The following SUN5 variants were observed in gnomAD, a reference collection of about 807,000 sequenced individuals.
SUN5 encodes SUN domain-containing protein 5.
SUN5 carries 44 observed loss-of-function variants against 53.7 expected under a neutral mutation model. That is an observed-to-expected ratio of 0.82 (90% CI 0.64 to 1.05). The LOEUF (loss-of-function observed/expected upper bound fraction) is 1.05. Ranked by LOEUF, SUN5 falls within the 50% of genes least tolerant of loss-of-function variation. The pLI, the probability that SUN5 is intolerant of heterozygous loss-of-function variation, is 0.00. For missense variants in SUN5, 433 were observed against 483.8 expected, an observed-to-expected ratio of 0.90 and a Z score of 0.98; for synonymous variants, 166 against 179.8, an observed-to-expected ratio of 0.92 and a Z score of 0.62.
intron 9 of SUN5, among the ~76,000 whole-genome samples, chr20:32,989,325 G>A (rs372289139): frequency 1.2e-4 from 18 of 152,282 alleles, no homozygotes; most frequent in African/African-American, 4.3e-4. Flanking sequence ...GGGTGGTGGA[G>A]AGGTAAAGCC....
chr20:32,992,090 C>A (rs1600493861), intron 8 of SUN5, among the ~76,000 whole-genome samples: 1 of 152,140 alleles, frequency 6.6e-6, no homozygotes, highest in East Asian at 1.9e-4. Context: ...TTCCAGTCTG[C>A]AAAAAGGCAC....
At chr20:32,988,926 A>T in intron 9 of SUN5, among the ~76,000 whole-genome samples, 1 of 132,022 alleles carries the variant, frequency 7.6e-6, no homozygotes. Context: ...TTATTATTTT[A>T]CTTTTTTTAT....
At chr20:32,985,305 A>T in intron 11 of SUN5, 120 bp from the exon 12 acceptor site, 1 of 845,302 alleles carries the variant, frequency 1.2e-6, no homozygotes, top group Non-Finnish European at 1.9e-6. Flanking sequence ...CTCTTTGGGC[A>T]CCGTTTCACT....
chr20:32,997,668 A>G lies in SUN5; in HGVS notation c.360T>C (p.Ile120=). 1 of 1,614,082 alleles carries G rather than the reference A, an allele frequency of 6.2e-7. No individual in the cohort carries two copies. The highest frequency in any genetic ancestry group is 8.5e-7 in the Non-Finnish European group (1 of 1,180,004). The stretch of plus-strand genomic sequence containing the variant: ...AGACTTTCATTTTCGATGGTAAGTG[A>G]ATAGAAAACATCCAGAATCCTGTGA... The part of the protein sequence containing the change: ...LCAFGFWMFS[I]HLPSKMKVWQ... Residue 120 remains isoleucine (I), a synonymous_variant, in exon 6 of 13, where the codon ATT becomes ATC. Coordinates refer to ENST00000356173, the MANE Select transcript of SUN5 (RefSeq NM_080675.4).
In SUN5 at chr20:32,985,889, A is replaced by T; in HGVS notation, c.744T>A (p.Pro248=). Residue 248 remains proline (P), a synonymous_variant, in exon 11 of 13, where the codon CCT becomes CCA. Coordinates refer to ENST00000356173, the MANE Select transcript of SUN5 (RefSeq NM_080675.4). ...CACCCTCAAAGGCCCAGCAATTGCC[A>T]GGTGTCACGTTGGGCTAGAAGAGGC... is the stretch of plus-strand genomic sequence containing the variant. ...PDVILEPNVT[P]GNCWAFEGDR... The T allele has an allele frequency of 6.2e-7, 1 of 1,613,940 alleles. No individual in the cohort carries two copies. The highest frequency in any genetic ancestry group is 8.5e-7 in the Non-Finnish European group (1 of 1,179,878).
At chr20:32,998,254 G>C (rs183989956) in intron 5 of SUN5, among the ~76,000 whole-genome samples, 1 of 151,482 alleles carries the variant, frequency 6.6e-6, no homozygotes, top group East Asian at 1.9e-4. Context: ...CCCGGAGGCC[G>C]AAGTGGGAGG....
In SUN5 at chr20:33,001,289, G is replaced by A; in HGVS notation, c.212-11C>T. 1 of 1,568,398 alleles carries A rather than the reference G, an allele frequency of 6.4e-7. No individual in the cohort carries two copies. The highest frequency in any genetic ancestry group is 8.7e-7 in the Non-Finnish European group (1 of 1,154,524). Reference sequence around the variant, plus strand: ...AACAGGTGAACCAGGCTGCACGGGAGACAGAAAAGCAGTGACTCACTACGC... The same window carrying A: ...AACAGGTGAACCAGGCTGCACGGGAAACAGAAAAGCAGTGACTCACTACGC... On this transcript the variant is annotated splice_polypyrimidine_tract_variant and intron_variant, in intron 3 of 12. Coordinates refer to ENST00000356173, the MANE Select transcript of SUN5 (RefSeq NM_080675.4).
intron 5 of SUN5, 88 bp from the exon 6 acceptor site, chr20:32,997,775 C>A (rs1989891693): frequency 4.2e-6 from 6 of 1,420,586 alleles, no homozygotes; most frequent in Non-Finnish European, 4.9e-6. Context: ...GGTTCAAATC[C>A]CAGCTATGCC....
At chr20:32,985,557 C>T (rs1989514065) in intron 11 of SUN5, among the ~76,000 whole-genome samples, 179 bp downstream of exon 11, 2 of 152,208 alleles carry the variant, frequency 1.3e-5, no homozygotes, top group South Asian at 4.2e-4. Flanking sequence ...CTGTTTATCC[C>T]CTACCCTTGA....
chr20:32,992,799 C>T (rs942671753), intron 8 of SUN5, among the ~76,000 whole-genome samples: 1 of 152,092 alleles, frequency 6.6e-6, no homozygotes, highest in African/African-American at 2.4e-5. Context: ...CCGCTGGATA[C>T]AAGAAAAGAC....
At chr20:32,986,973 T>C (rs1360945130) in intron 10 of SUN5, among the ~76,000 whole-genome samples, 1 of 152,186 alleles carries the variant, frequency 6.6e-6, no homozygotes, top group Non-Finnish European at 1.5e-5. Flanking sequence ...CAGCTTGACC[T>C]CGAGTGCCAA....
At chr20:32,987,862 G>T in intron 9 of SUN5, 87 bp from the exon 10 acceptor site, 1 of 1,075,324 alleles carries the variant, frequency 9.3e-7, no homozygotes, top group Non-Finnish European at 1.4e-6. Context: ...CTATGTGCCG[G>T]GCGAGCATTT....
At chr20:32,988,987 G>A (rs62207487) in intron 9 of SUN5, among the ~76,000 whole-genome samples, 3,128 of 151,748 alleles carry the variant, frequency 0.021, 44 homozygotes, top group East Asian at 0.034. Flanking sequence ...GTGCTGTGGC[G>A]CGATCTAGGC....
intron 8 of SUN5, among the ~76,000 whole-genome samples, chr20:32,993,370 G>A (rs1200642115): frequency 6.6e-6 from 1 of 152,172 alleles, no homozygotes; most frequent in African/African-American, 2.4e-5. Context: ...TTAAATCTCT[G>A]GGGGTATTTG....
intron 3 of SUN5, 63 bp from the exon 4 acceptor site, chr20:33,001,341 C>T: frequency 1.3e-6 from 2 of 1,539,674 alleles, no homozygotes; most frequent in Admixed American, 2.0e-5. Context: ...CTACAAGGAC[C>T]TGCTGACCTT....
At chr20:32,984,710 A>G (rs1348510392) in intron 12 of SUN5, among the ~76,000 whole-genome samples, 3 of 152,168 alleles carry the variant, frequency 2.0e-5, no homozygotes, top group Admixed American at 6.5e-5. Flanking sequence ...CCTCTCCTTC[A>G]GGCCTCAGTT....
chr20:32,991,860 A>G (rs1177957213), intron 8 of SUN5, among the ~76,000 whole-genome samples: 1 of 152,236 alleles, frequency 6.6e-6, no homozygotes, highest in Non-Finnish European at 1.5e-5. Flanking sequence ...ACTCCATTAC[A>G]GCTTCAGTAA....
intron 12 of SUN5, among the ~76,000 whole-genome samples, chr20:32,984,598 C>T (rs907526498): frequency 5.3e-5 from 8 of 152,226 alleles, no homozygotes; most frequent in Non-Finnish European, 8.8e-5. Context: ...GGCAGAAATT[C>T]GGGCCAGTAT....
In SUN5 at chr20:32,987,561, C is replaced by T. The variant is rs1409843022; in HGVS notation, c.729+99G>A. ...TCTAACCCCGCCCCTGCCCCCACTC[C>T]CTTTGCTCCCACCCCCTACCTCTTC... On this transcript the variant is annotated intron_variant, in intron 10 of 12. Transcript: ENST00000356173. The T allele has an allele frequency of 9.9e-6, 9 of 913,310 alleles. No individual in the cohort carries two copies. In the South Asian group the frequency reaches 1.5e-4, roughly 15 times the overall value. 56.6% of individuals were successfully genotyped at this position (913,310 alleles called of 1,614,324 possible).
Sources: allele counts gnomAD v4.1 joint callset (sites outside exome capture counted in the v4.1 genomes callset), GRCh38; gene constraint gnomAD v4.1.1; transcripts MANE v1.5; gene names NCBI Gene and HGNC (gene_info 2026-07-23, HGNC 2026-07-21).